The following PIEZO2 variants were observed in gnomAD, a reference collection of about 807,000 sequenced individuals.
The protein encoded by PIEZO2 is piezo type mechanosensitive ion channel component 2, also known as piezo-type mechanosensitive ion channel component 2.
Under a neutral mutation model 337.3 loss-of-function variants are expected in PIEZO2, and 172 were observed. The ratio of observed to expected loss-of-function variants is 0.51; its 90% CI spans 0.45 to 0.58. The LOEUF (loss-of-function observed/expected upper bound fraction) is 0.58, where lower values mean the gene tolerates loss of function less well. Among genes scored for constraint, PIEZO2 ranks in the 20% least tolerant of loss-of-function variants. The pLI is 0.00. For synonymous variants in PIEZO2, 1,251 were observed against 1,228.5 expected (o/e 1.02, Z -0.38); for missense variants, 3,028 against 3,391.3 (o/e 0.89, Z 2.66).
chr18:10,791,183 A>G lies in PIEZO2; in HGVS notation c.1882+18T>C. 1 of 1,526,958 alleles carries G rather than the reference A, an allele frequency of 6.5e-7. No individual in the cohort carries two copies. Among genetic ancestry groups the G allele is most frequent in the Non-Finnish European group, 8.8e-7 (1 of 1,141,832 alleles). The allele number at this position is 1,526,958 out of a possible 1,614,324, so 94.6% of individuals were successfully genotyped here. On this transcript the variant is annotated intron_variant, in intron 14 of 55. Transcript: ENST00000674853. Reference sequence around the variant, plus strand: ...GCTGAGCACCAAACTCTCCAGCCACACATATACACTAATTTACCTTTTTCT... The same window carrying G: ...GCTGAGCACCAAACTCTCCAGCCACGCATATACACTAATTTACCTTTTTCT...
At chr18:10,800,615 A>G (rs1203761137) in intron 10 of PIEZO2, 140 bp from the exon 11 acceptor site, 2 of 989,950 alleles carry the variant, frequency 2.0e-6, no homozygotes, top group East Asian at 3.0e-5. Flanking sequence ...CAATTGCCCA[A>G]ATATTTTAGT....
At chr18:11,014,176 G>T (rs954967211) in intron 2 of PIEZO2, among the ~76,000 whole-genome samples, 14 of 151,978 alleles carry the variant, frequency 9.2e-5, no homozygotes, top group African/African-American at 2.9e-4. Flanking sequence ...TCATTCCTTA[G>T]TGGCGGGCAC....
rs188717460 is a variant in PIEZO2, at chr18:10,707,527, G to A, written c.5588+748C>T. On this transcript the variant is annotated intron_variant, in intron 40 of 55. Coordinates refer to ENST00000674853, the MANE Select transcript of PIEZO2 (RefSeq NM_001378183.1). This position sits in a 1 kb window ranked among gnomAD's most constrained non-coding sequence, Gnocchi z 4.2. ...ACTTGTCTTGGATTAGGCTGTTTTC[G>A]TGTCAGGAGAAACACAGTGTAGCTG... is the stretch of plus-strand genomic sequence containing the variant. 1.4e-3 allele frequency among the ~76,000 whole-genome samples: 214 copies of A among 152,244 alleles called. No individual in the cohort carries two copies. The highest frequency in any genetic ancestry group is 4.4e-3 in the African/African-American group (184 of 41,544).
chr18:10,996,547 T>C (rs575455683), intron 2 of PIEZO2, among the ~76,000 whole-genome samples: 20 of 152,344 alleles, frequency 1.3e-4, no homozygotes, highest in African/African-American at 4.6e-4. Context: ...CAGCTTTCTG[T>C]CCCTATGGAT....
chr18:10,996,722 T>C (rs1286307675), intron 2 of PIEZO2, among the ~76,000 whole-genome samples: 2 of 152,220 alleles, frequency 1.3e-5, no homozygotes, highest in Admixed American at 1.3e-4. Flanking sequence ...TTTCATCCAT[T>C]CACCTATTTG....
intron 3 of PIEZO2, among the ~76,000 whole-genome samples, chr18:10,966,871 T>C (rs2034022751): frequency 1.3e-5 from 2 of 152,160 alleles, no homozygotes; most frequent in Non-Finnish European, 2.9e-5. Flanking sequence ...ACATACAATG[T>C]TTGGTTTCCC....
rs1307099485 is a variant in PIEZO2 at position 11,146,375 on chromosome 18, A to T, written c.64+2150T>A. ...AGCAGGAGGTGAACAGTGTGCGGGC[A>T]CCACAGAAGAAGCTCGGTGGGGGTC... On this transcript the variant is annotated intron_variant, in intron 1 of 55. Transcript: ENST00000674853. This position sits in a 1 kb window ranked among gnomAD's most constrained non-coding sequence, Gnocchi z 6.1. Among the ~76,000 whole-genome samples the T allele has an allele frequency of 6.6e-6, 1 of 152,124 alleles. No homozygotes were observed. Among genetic ancestry groups the T allele is most frequent in the African/African-American group, 2.4e-5 (1 of 41,432 alleles).
chr18:11,062,160 A>T (rs1299093740), intron 2 of PIEZO2, among the ~76,000 whole-genome samples: 5 of 151,970 alleles, frequency 3.3e-5, no homozygotes, highest in African/African-American at 1.2e-4. Context: ...AAATGGGGAA[A>T]TGATTCCCTA....
chr18:11,118,503 C>T (rs2039948832), intron 1 of PIEZO2, among the ~76,000 whole-genome samples: 1 of 152,216 alleles, frequency 6.6e-6, no homozygotes, highest in Admixed American at 6.5e-5. Context: ...TCGATTGCAT[C>T]TAACCTTTGG....
chr18:10,884,226 A>G (rs75889648), intron 4 of PIEZO2, among the ~76,000 whole-genome samples: 2,678 of 152,322 alleles, frequency 0.018, 77 homozygotes, highest in African/African-American at 0.061. Flanking sequence ...GTCGCAAATG[A>G]GAGGATTTCC....
intron 20 of PIEZO2, among the ~76,000 whole-genome samples, chr18:10,770,920 AG>A (rs1204025026): frequency 2.0e-5 from 3 of 152,050 alleles, no homozygotes; most frequent in African/African-American, 4.8e-5. Flanking sequence ...CAGTAGAAAT[AG>A]GATCTCGTCA....
rs777187060 is a variant in PIEZO2 at position 11,094,607 on chromosome 18, C to G, written c.65-28385G>C. 3.3e-5 allele frequency among the ~76,000 whole-genome samples: 5 copies of G among 152,164 alleles called. No homozygotes were observed. Among genetic ancestry groups the G allele is most frequent in the Non-Finnish European group, 7.3e-5 (5 of 68,028 alleles). ...TCCCCTCTCTGAAGACAGATGGCAA[C>G]GGCACCCTGGCCCTTCCTACCTAAC... On this transcript the variant is annotated intron_variant, in intron 1 of 55. Transcript: ENST00000674853. This position sits in a 1 kb window ranked among gnomAD's most constrained non-coding sequence, Gnocchi z 4.4.
chr18:10,812,903 C>A (rs75163894), intron 7 of PIEZO2, among the ~76,000 whole-genome samples: 2,645 of 152,142 alleles, frequency 0.017, 88 homozygotes, highest in African/African-American at 0.059. Flanking sequence ...GCAAGAAATA[C>A]GTAATACTGA....
Position 10,696,488 on chromosome 18 carries a change from G to A in PIEZO2, c.6879C>T (p.His2293=), listed in dbSNP as rs549548007. 1.9e-6 allele frequency: 3 copies of A among 1,614,098 alleles called. No individual in the cohort carries two copies. Among genetic ancestry groups the A allele is most frequent in the Non-Finnish European group, 1.7e-6 (2 of 1,180,042 alleles). Residue 2293 remains histidine (H), a synonymous_variant, in exon 46 of 56, where the codon CAC becomes CAT. Transcript: ENST00000674853. Reference sequence around the variant, plus strand: ...CGTCAGTCACGGCGCTATACTCCGGGTGGATGAGGTTGTAAAAGAACTGTT... The same window carrying A: ...CGTCAGTCACGGCGCTATACTCCGGATGGATGAGGTTGTAAAAGAACTGTT... ...PIKQFFYNLI[H]PEYSAVTDVY... is the part of the protein sequence containing the mutation.
At chr18:10,702,704 A>G (rs1279785786) in intron 42 of PIEZO2, among the ~76,000 whole-genome samples, 1 of 152,190 alleles carries the variant, frequency 6.6e-6, no homozygotes, top group Admixed American at 6.5e-5. Context: ...CTTTCTATTC[A>G]TCTTTGTATT....
intron 14 of PIEZO2, among the ~76,000 whole-genome samples, chr18:10,790,130 A>G (rs2144163150): frequency 6.6e-6 from 1 of 152,354 alleles, no homozygotes; most frequent in Admixed American, 6.5e-5. Flanking sequence ...TTAACTGGTT[A>G]ATTTAATCAC....
chr18:11,014,306 GGTGGGACA>G (rs2036007877), intron 2 of PIEZO2, among the ~76,000 whole-genome samples: 1 of 71,702 alleles, frequency 1.4e-5, no homozygotes, highest in South Asian at 3.8e-4. Context: ...CGTCACCCTG[GGTGGGACA>G]GCGATCCGGG....
rs368900313 is a variant in PIEZO2 at position 10,867,408 on chromosome 18, T to A, written c.492+3845A>T. On this transcript the variant is annotated intron_variant, in intron 5 of 55. Coordinates refer to ENST00000674853, the MANE Select transcript of PIEZO2 (RefSeq NM_001378183.1). ...GATGCTGTGACAGGCTAATAGACAC[T>A]AGGAATTAGAAAGCAGGGTGCAAAA... Among the ~76,000 whole-genome samples the A allele has an allele frequency of 1.0e-3, 159 of 152,340 alleles. 1 individual carries two copies. In the South Asian group the frequency reaches 0.011, roughly 11 times the overall value.
chr18:11,148,740 C>A lies in PIEZO2; in HGVS notation c.-152G>T. 1.3e-6 allele frequency: 1 copy of A among 748,424 alleles called. No homozygotes were observed. Among genetic ancestry groups the A allele is most frequent in the South Asian group, 1.8e-5 (1 of 54,110 alleles). The allele number at this position is 748,424 out of a possible 1,614,324, so 46.4% of individuals were successfully genotyped here. The stretch of plus-strand genomic sequence containing the variant: ...TCGGCGCGGGCCGCGACGCTCTCCG[C>A]CCCGAGGGCACGCTCCCGGGGCTCT... On this transcript the variant is annotated 5_prime_UTR_variant, in exon 1 of 56. Coordinates refer to ENST00000674853, the MANE Select transcript of PIEZO2 (RefSeq NM_001378183.1). This position sits in a 1 kb window ranked among gnomAD's most constrained non-coding sequence, Gnocchi z 5.2.
Sources: allele counts gnomAD v4.1 joint callset (sites outside exome capture counted in the v4.1 genomes callset), GRCh38; gene constraint gnomAD v4.1.1; non-coding constraint Gnocchi (gnomAD v3.1); transcripts MANE v1.5; gene names NCBI Gene and HGNC (gene_info 2026-07-23, HGNC 2026-07-21).